The following LINGO2 variants were observed in gnomAD, a reference collection of about 807,000 sequenced individuals.
LINGO2 encodes the protein leucine rich repeat and Ig domain containing 2.
LINGO2 carries 14 observed loss-of-function variants against 30.6 expected under a neutral mutation model. That is an observed-to-expected ratio of 0.46 (90% CI 0.30 to 0.72). LINGO2 has a LOEUF of 0.72. Ranked by LOEUF, LINGO2 falls within the 30% of genes least tolerant of loss-of-function variation. The probability of loss-of-function intolerance (pLI) is 0.07; values close to 1 mark genes in which losing one functional copy is unlikely to be tolerated. For synonymous variants in LINGO2, 317 were observed against 288.5 expected (o/e 1.10, Z -1.00); for missense variants, 729 against 751.7 (o/e 0.97, Z 0.35).
rs117218015 is a variant in LINGO2, at chr9:28,546,908, G to A, written c.-364-70883C>T. ...ATAATGAGGACAAATCTCTGTGACC[G>A]AACTCTCAAAGTCTTTTAACCTTTC... On this transcript the variant is annotated intron_variant, in intron 1 of 5. Coordinates refer to ENST00000379992, the Ensembl canonical transcript of LINGO2. 6.0e-3 allele frequency among the ~76,000 whole-genome samples: 910 copies of A among 152,108 alleles called. 9 individuals carry two copies. The highest frequency in any genetic ancestry group is 0.01 in the Middle Eastern group (3 of 294).
chr9:28,671,729 T>C (rs956614688), upstream of LINGO2, among the ~76,000 whole-genome samples: 16 of 151,960 alleles, frequency 1.1e-4, no homozygotes, highest in Admixed American at 8.5e-4. Flanking sequence ...AAGAAGCCCA[T>C]GTGACACGCA....
intron 5 of LINGO2, among the ~76,000 whole-genome samples, chr9:27,996,217 A>G (rs1821654485): frequency 6.6e-6 from 1 of 152,188 alleles, no homozygotes; most frequent in Non-Finnish European, 1.5e-5. Flanking sequence ...GCTACCATGG[A>G]AAACAGTATA....
At chr9:28,437,692 TAAACTC>T (rs2134995189) in intron 2 of LINGO2, among the ~76,000 whole-genome samples, 1 of 152,198 alleles carries the variant, frequency 6.6e-6, no homozygotes, top group South Asian at 2.1e-4. Flanking sequence ...CTCCAATTGT[TAAACTC>T]AGGAAGCCAA....
intron 2 of LINGO2, among the ~76,000 whole-genome samples, chr9:28,468,862 T>G (rs182894815): frequency 0.011 from 1,729 of 152,278 alleles, 18 homozygotes; most frequent in South Asian, 0.049. Flanking sequence ...GGCCTCTTTT[T>G]TAAATGACCA....
At chr9:28,444,294 C>T (rs1824323222) in intron 2 of LINGO2, among the ~76,000 whole-genome samples, 1 of 152,170 alleles carries the variant, frequency 6.6e-6, no homozygotes, top group Non-Finnish European at 1.5e-5. Flanking sequence ...TTCTGGTGGC[C>T]CAGACTTTGG....
the LINGO2 span, among the ~76,000 whole-genome samples, chr9:28,860,221 C>T: frequency 2.0e-5 from 3 of 152,170 alleles, no homozygotes; most frequent in East Asian, 3.9e-4. Flanking sequence ...TATTTGTCAA[C>T]GTGACTGCAC....
chr9:28,747,488 G>A, the LINGO2 span, among the ~76,000 whole-genome samples: 9 of 152,062 alleles, frequency 5.9e-5, 1 homozygote, highest in Non-Finnish European at 1.0e-4. Flanking sequence ...AGCCATCTGT[G>A]GATGACAAAG....
At chr9:28,864,518 GA>G in the LINGO2 span, among the ~76,000 whole-genome samples, 1 of 152,104 alleles carries the variant, frequency 6.6e-6, no homozygotes, top group Admixed American at 6.6e-5. Context: ...TTAATGAAAA[GA>G]ATCTATAAAT....
chr9:28,342,482 G>T (rs530277085), intron 3 of LINGO2, among the ~76,000 whole-genome samples: 148 of 152,210 alleles, frequency 9.7e-4, no homozygotes, highest in Non-Finnish European at 1.3e-3. Flanking sequence ...GCAGTCAGTG[G>T]TACTGGAATC....
the LINGO2 span, among the ~76,000 whole-genome samples, chr9:29,137,875 T>G: frequency 1.3e-4 from 20 of 152,210 alleles, no homozygotes; most frequent in African/African-American, 4.6e-4. Flanking sequence ...CATCTCAATT[T>G]TCTGATCTGT....
chr9:28,507,212 A>AGTGTGTGTGTGTGT lies in LINGO2; in HGVS notation c.-364-31201_-364-31188dup, dbSNP rs74182511. ...AATAGACCTTACTGCATTTCAGAGGAGTGTGTGTGTGTGTGTGTGTGTGTG... is the reference window on the plus strand; with the variant it reads ...AATAGACCTTACTGCATTTCAGAGGAGTGTGTGTGTGTGTGTGTGTGTGTGTGTGTGTGTGTGTG... On this transcript the variant is annotated intron_variant, in intron 1 of 5. Coordinates refer to ENST00000379992, the Ensembl canonical transcript of LINGO2. Among the ~76,000 whole-genome samples the AGTGTGTGTGTGTGT allele has an allele frequency of 8.1e-3, 1,214 of 148,962 alleles. 17 individuals are homozygous for AGTGTGTGTGTGTGT. Among genetic ancestry groups the AGTGTGTGTGTGTGT allele is most frequent in the African/African-American group, 0.028 (1,117 of 40,526 alleles).
the LINGO2 span, among the ~76,000 whole-genome samples, chr9:29,135,944 C>G: frequency 4.6e-5 from 7 of 152,124 alleles, no homozygotes; most frequent in Non-Finnish European, 8.8e-5. Context: ...TCATAGCATG[C>G]GTCAGGAATT....
chr9:28,641,015 C>A (rs1032461303), intron 1 of LINGO2, among the ~76,000 whole-genome samples: 3 of 151,980 alleles, frequency 2.0e-5, no homozygotes, highest in Non-Finnish European at 4.4e-5. Flanking sequence ...GTGTGGATGT[C>A]CTTCCTGTTG....
intron 3 of LINGO2, among the ~76,000 whole-genome samples, chr9:28,320,784 G>T (rs1184831471): frequency 2.0e-5 from 3 of 152,138 alleles, no homozygotes; most frequent in African/African-American, 7.2e-5. Context: ...CTAGGGATTT[G>T]TTTACTTGCC....
the LINGO2 span, among the ~76,000 whole-genome samples, chr9:28,888,280 T>G: frequency 6.6e-6 from 1 of 152,090 alleles, no homozygotes; most frequent in African/African-American, 2.4e-5. Context: ...CTTATGTGGT[T>G]TCATGAAAGG....
At chr9:29,031,495 C>T in the LINGO2 span, among the ~76,000 whole-genome samples, 2 of 151,966 alleles carry the variant, frequency 1.3e-5, no homozygotes, top group Non-Finnish European at 2.9e-5. Flanking sequence ...GTTGGCCAGG[C>T]TGGTCTCAAA....
At chr9:28,473,039 A>C (rs1197259927) in intron 2 of LINGO2, among the ~76,000 whole-genome samples, 1 of 152,000 alleles carries the variant, frequency 6.6e-6, no homozygotes, top group Non-Finnish European at 1.5e-5. Context: ...TGAGACTTTA[A>C]TTTTCCATGT....
At chr9:28,382,653 G>A in intron 2 of LINGO2, among the ~76,000 whole-genome samples, 1 of 152,078 alleles carries the variant, frequency 6.6e-6, no homozygotes, top group African/African-American at 2.4e-5. Flanking sequence ...CAGTTCTATG[G>A]GCCACATGGT....
chr9:28,347,163 T>A (rs1380224442), intron 3 of LINGO2, among the ~76,000 whole-genome samples: 1 of 152,114 alleles, frequency 6.6e-6, no homozygotes, highest in African/African-American at 2.4e-5. Context: ...TTTAAAAGAA[T>A]AAAAATAGAA....
Sources: allele counts gnomAD v4.1 joint callset (sites outside exome capture counted in the v4.1 genomes callset), GRCh38; gene constraint gnomAD v4.1.1; transcripts MANE v1.5; gene names NCBI Gene and HGNC (gene_info 2026-07-23, HGNC 2026-07-21).